DOCK8: variants seen among roughly 807,000 people sequenced by gnomAD.
DOCK8 encodes dedicator of cytokinesis protein 8.
DOCK8 carries 141 observed loss-of-function variants against 245.6 expected under a neutral mutation model. The ratio of observed to expected loss-of-function variants is 0.57; its 90% CI spans 0.50 to 0.66. DOCK8 has a LOEUF of 0.66. Among genes scored for constraint, DOCK8 ranks in the 30% least tolerant of loss-of-function variants. The pLI, the probability that DOCK8 is intolerant of heterozygous loss-of-function variation, is 0.00. For synonymous variants in DOCK8, 1,168 were observed against 970.2 expected, an observed-to-expected ratio of 1.20 and a Z score of -3.79; for missense variants, 2,965 against 2,603.4, an observed-to-expected ratio of 1.14 and a Z score of -3.02.
chr9:460,593 A>T (rs1157969278), intron 46 of DOCK8: 3 of 152,268 alleles, frequency 2.0e-5, no homozygotes, highest in African/African-American at 7.2e-5. Flanking sequence ...TCATAACCTT[A>T]GCTATCCTAT....
At chr9:272,429 C>A (rs73374538) in intron 2 of DOCK8, among the ~76,000 whole-genome samples, 4,667 of 152,254 alleles carry the variant, frequency 0.031, 229 homozygotes, top group African/African-American at 0.1. Flanking sequence ...GTCACCCAGC[C>A]TGGAGTACAG....
chr9:215,075 C>G, intron 1 of DOCK8, 46 bp downstream of exon 1: 1 of 1,540,786 alleles, frequency 6.5e-7, no homozygotes, highest in Non-Finnish European at 8.7e-7. Flanking sequence ...GACAGCCCAG[C>G]GCTGGTGTGA....
rs2053773349 is a variant in DOCK8 at position 382,698 on chromosome 9, T to G, written c.2778+13T>G. ...CATGTCTTCAAAGGTAGGAAAGATGTCAAACCGTGGAAGGGGACACAGGCT... is the reference window on the plus strand; with the variant it reads ...CATGTCTTCAAAGGTAGGAAAGATGGCAAACCGTGGAAGGGGACACAGGCT... On this transcript the variant is annotated intron_variant, in intron 22 of 47. Coordinates refer to ENST00000432829, the MANE Select transcript of DOCK8 (RefSeq NM_203447.4). 1 of 1,613,956 alleles carries G rather than the reference T, an allele frequency of 6.2e-7. No homozygotes were observed. Among genetic ancestry groups the G allele is most frequent in the South Asian group, 1.1e-5 (1 of 91,088 alleles).
chr9:386,874 T>A (rs1442760388), intron 23 of DOCK8, among the ~76,000 whole-genome samples: 1 of 152,240 alleles, frequency 6.6e-6, no homozygotes, highest in East Asian at 1.9e-4. Flanking sequence ...TAATTAGGTA[T>A]CATTTGTTTC....
Position 311,668 on chromosome 9 carries a change from G to A in DOCK8, c.529-286G>A, listed in dbSNP as rs138661173. On this transcript the variant is annotated intron_variant, in intron 5 of 47. Transcript: ENST00000432829. ...CCCAGGAAAGAACAAGCCAACAACCGATAGGAATGTAGTACTGTTTTTAGT... is the reference window on the plus strand; with the variant it reads ...CCCAGGAAAGAACAAGCCAACAACCAATAGGAATGTAGTACTGTTTTTAGT... 4.9e-4 allele frequency among the ~76,000 whole-genome samples: 74 copies of A among 152,290 alleles called. 1 individual carries two copies. The highest frequency in any genetic ancestry group is 3.8e-3 in the Admixed American group (58 of 15,300).
intron 4 of DOCK8, among the ~76,000 whole-genome samples, chr9:299,624 CTGTT>C (rs1246789425): frequency 2.0e-5 from 3 of 151,790 alleles, no homozygotes; most frequent in Non-Finnish European, 4.4e-5. Context: ...CAGAGTTCAC[CTGTT>C]TATTTTTTTT....
At chr9:335,246 A>G (rs1457804137) in intron 11 of DOCK8, among the ~76,000 whole-genome samples, 1 of 138,346 alleles carries the variant, frequency 7.2e-6, no homozygotes, top group Non-Finnish European at 1.6e-5. Context: ...GATCTGAATC[A>G]TTCATTCCTA....
At chr9:400,841 A>ATCACCTCCACCACCACCACCT (rs2054966160) in intron 26 of DOCK8, among the ~76,000 whole-genome samples, 1 of 63,192 alleles carries the variant, frequency 1.6e-5, no homozygotes. Flanking sequence ...CATCACCACC[A>ATCACCTCCACCACCACCACCT]CCTCCACCAT....
intron 1 of DOCK8, among the ~76,000 whole-genome samples, chr9:261,279 T>C (rs2047911397): frequency 6.6e-6 from 1 of 152,190 alleles, no homozygotes; most frequent in Admixed American, 6.5e-5. Context: ...ATATTACATG[T>C]AGTTTTCTTC....
intron 1 of DOCK8, among the ~76,000 whole-genome samples, chr9:218,166 C>A (rs112917627): frequency 1.2e-3 from 189 of 152,012 alleles, no homozygotes; most frequent in Non-Finnish European, 2.3e-3. Context: ...AAAAGTAAGA[C>A]TGTGTTGAAA....
At chr9:316,997 C>G (rs532974165) in intron 6 of DOCK8, 46 bp from the exon 7 acceptor site, 2 of 1,466,362 alleles carry the variant, frequency 1.4e-6, no homozygotes, top group South Asian at 2.3e-5. Flanking sequence ...ATTGGAGCTC[C>G]CCACAGAATT....
At chr9:448,345 C>A (rs1263420054) in intron 44 of DOCK8, among the ~76,000 whole-genome samples, 1 of 152,178 alleles carries the variant, frequency 6.6e-6, no homozygotes, top group Non-Finnish European at 1.5e-5. Context: ...TGGCCTCAAA[C>A]GATCCTCCTA....
At chr9:233,824 A>C (rs1289309347) in intron 1 of DOCK8, among the ~76,000 whole-genome samples, 2 of 152,068 alleles carry the variant, frequency 1.3e-5, no homozygotes, top group African/African-American at 2.4e-5. Context: ...TGAATACAGC[A>C]CACTGATGGG....
intron 35 of DOCK8, among the ~76,000 whole-genome samples, chr9:429,122 G>A (rs1392852991): frequency 2.0e-5 from 3 of 152,006 alleles, no homozygotes; most frequent in African/African-American, 4.8e-5. Context: ...GTGTGCCACC[G>A]CACCCAGCTA....
chr9:408,882 A>G (rs201924191), intron 28 of DOCK8, among the ~76,000 whole-genome samples: 2,351 of 104,510 alleles, frequency 0.022, 67 homozygotes, highest in African/African-American at 0.094. Flanking sequence ...ACACACACAC[A>G]CACACGCACA....
chr9:459,222 A>C (rs944199490), intron 46 of DOCK8, among the ~76,000 whole-genome samples: 2 of 152,342 alleles, frequency 1.3e-5, no homozygotes, highest in African/African-American at 4.8e-5. Flanking sequence ...ACATTTTCCA[A>C]GCGATGTGGC....
At chr9:272,441 G>T (rs1283818861) in intron 2 of DOCK8, among the ~76,000 whole-genome samples, 1 of 152,138 alleles carries the variant, frequency 6.6e-6, no homozygotes, top group Non-Finnish European at 1.5e-5. Flanking sequence ...GGAGTACAGA[G>T]GTGTGATCTC....
intron 46 of DOCK8, chr9:452,669 T>C (rs943810130): frequency 6.6e-6 from 1 of 152,416 alleles, no homozygotes; most frequent in African/African-American, 2.4e-5. Flanking sequence ...ACAAATCTTA[T>C]AATATCTTAT....
At chr9:442,033 C>G in intron 42 of DOCK8, 24 bp downstream of exon 42, 1 of 1,613,190 alleles carries the variant, frequency 6.2e-7, no homozygotes. Flanking sequence ...TTCTGTGCGC[C>G]TGACCTGGTA....
Sources: gnomAD v4.1 joint callset for allele counts (sites outside exome capture counted in the v4.1 genomes callset) on GRCh38, gnomAD v4.1.1 for gene constraint, MANE v1.5 for transcripts, NCBI Gene and HGNC (gene_info 2026-07-23, HGNC 2026-07-21) for gene names.